Variants in PTPN23 observed in about 807,000 individuals in gnomAD.
PTPN23 encodes protein tyrosine phosphatase non-receptor type 23.
Under a neutral mutation model 156.3 loss-of-function variants are expected in PTPN23, and 72 were observed. The observed-to-expected ratio is 0.46, with a 90% CI of 0.38 to 0.56. PTPN23 has a LOEUF of 0.56. Among genes scored for constraint, PTPN23 ranks in the 20% least tolerant of loss-of-function variants. PTPN23 has a pLI of 0.00. For synonymous variants in PTPN23, 957 were observed against 899.6 expected, an observed-to-expected ratio of 1.06 and a Z score of -1.14; for missense variants, 1,974 against 2,171.5, an observed-to-expected ratio of 0.91 and a Z score of 1.81.
In PTPN23 at chr3:47,404,684, C is replaced by A. The variant is rs1427047092; in HGVS notation, c.192C>A (p.Gly64=). ...NAVRVPRDFE[G]CSVLRKYLGQ... is the part of the protein sequence containing the mutation. ...TCCGTGTCCCACGAGACTTTGAGGGCTGTAGTGTCCTCCGCAAGTACCTCG... is the reference window on the plus strand; with the variant it reads ...TCCGTGTCCCACGAGACTTTGAGGGATGTAGTGTCCTCCGCAAGTACCTCG... The change falls in exon 3 of 25, where the codon GGC becomes GGA. Residue 64 remains glycine, a synonymous_variant. Coordinates refer to ENST00000265562, the MANE Select transcript of PTPN23 (RefSeq NM_015466.4). The A allele has an allele frequency of 1.2e-6, 2 of 1,614,022 alleles. No individual in the cohort carries two copies. The highest frequency in any genetic ancestry group is 1.7e-6 in the Non-Finnish European group (2 of 1,180,026).
rs544531824 is a variant in PTPN23 at position 47,390,012 on chromosome 3, G to A, written c.85-6131G>A. Reference sequence around the variant, plus strand: ...TGCTTGAACCCAGGAGGTGGAGGTTGCAGTAAGCCGAGATGGCGCCATTGC... The same window carrying A: ...TGCTTGAACCCAGGAGGTGGAGGTTACAGTAAGCCGAGATGGCGCCATTGC... On this transcript the variant is annotated intron_variant, in intron 1 of 24. Transcript: ENST00000265562. 6.9e-4 allele frequency among the ~76,000 whole-genome samples: 104 copies of A among 150,978 alleles called. 1 individual carries two copies. The highest frequency in any genetic ancestry group is 3.4e-3 in the Middle Eastern group (1 of 294).
In PTPN23 at chr3:47,407,876, T is replaced by C. The variant is rs549903992; in HGVS notation, c.1119-14T>C. 1 of 1,614,202 alleles carries C rather than the reference T, an allele frequency of 6.2e-7. No homozygotes were observed. Among genetic ancestry groups the C allele is most frequent in the South Asian group, 1.1e-5 (1 of 91,088 alleles). ...AGATGTGGGTCTTCAGCAAATGCTC[T>C]GTCGCTTCTGCAGTGAGGAGAAGGC... On this transcript the variant is annotated splice_polypyrimidine_tract_variant and intron_variant, in intron 13 of 24. Transcript: ENST00000265562. The surrounding 1 kb of genome is among the most constrained non-coding windows in gnomAD (Gnocchi z 4.0).
chr3:47,400,349 G>A (rs1357849429), intron 2 of PTPN23, among the ~76,000 whole-genome samples: 1 of 152,152 alleles, frequency 6.6e-6, no homozygotes, highest in Non-Finnish European at 1.5e-5. Context: ...AAACTGACAG[G>A]TGCAGGGGAT....
intron 1 of PTPN23, among the ~76,000 whole-genome samples, chr3:47,391,803 T>TA (rs1704779087): frequency 6.6e-6 from 1 of 152,200 alleles, no homozygotes; most frequent in African/African-American, 2.4e-5. Flanking sequence ...CAAAACCTCT[T>TA]ACTGCAAGGG....
At chr3:47,394,443 A>G (rs1239467861) in intron 1 of PTPN23, among the ~76,000 whole-genome samples, 1 of 152,202 alleles carries the variant, frequency 6.6e-6, no homozygotes, top group Admixed American at 6.5e-5. Flanking sequence ...GCAATTCCCA[A>G]GTACTATTGG....
Position 47,407,276 on chromosome 3 carries a change from G to C in PTPN23, c.865-33G>C. On this transcript the variant is annotated intron_variant, in intron 10 of 24. Transcript: ENST00000265562. This position sits in a 1 kb window ranked among gnomAD's most constrained non-coding sequence, Gnocchi z 4.0. Reference sequence around the variant, plus strand: ...TGTCCTGGTGCCAGCCTTGGTTAGTGCTAAGGCCCCACCCCTGTCCCTAAC... The same window carrying C: ...TGTCCTGGTGCCAGCCTTGGTTAGTCCTAAGGCCCCACCCCTGTCCCTAAC... 1.2e-6 allele frequency: 2 copies of C among 1,613,704 alleles called. No individual in the cohort carries two copies. The highest frequency in any genetic ancestry group is 1.7e-6 in the Non-Finnish European group (2 of 1,179,768).
intron 1 of PTPN23, among the ~76,000 whole-genome samples, chr3:47,382,680 C>CTTTTCTTTTTT (rs1704570021): frequency 1.7e-5 from 1 of 58,646 alleles, no homozygotes; most frequent in African/African-American, 5.9e-5. Flanking sequence ...TTTTTCTTTT[C>CTTTTCTTTTTT]TTTTTTTTTT....
chr3:47,388,341 TG>T (rs749957736), intron 1 of PTPN23, among the ~76,000 whole-genome samples: 1 of 152,180 alleles, frequency 6.6e-6, no homozygotes, highest in South Asian at 2.1e-4. Flanking sequence ...CCTGAATAGC[TG>T]GGACCACAGG....
rs752668738 is a variant in PTPN23, at chr3:47,405,980, C to T, written c.480C>T (p.His160=). The T allele has an allele frequency of 1.1e-5, 17 of 1,613,798 alleles. No individual in the cohort carries two copies. The highest frequency in any genetic ancestry group is 1.7e-5 in the Admixed American group (1 of 59,996). The change falls in exon 6 of 25, where the codon CAC becomes CAT. Residue 160 remains histidine (H), a synonymous_variant. Transcript: ENST00000265562. This position sits in a 1 kb window ranked among gnomAD's most constrained non-coding sequence, Gnocchi z 4.7. ...GCGCCTTCGCCTACCTACGGGAGCACTTCCCTCAAGCCTACAGCGTCGACA... is the reference window on the plus strand; with the variant it reads ...GCGCCTTCGCCTACCTACGGGAGCATTTCCCTCAAGCCTACAGCGTCGACA... ...AAGAFAYLRE[H]FPQAYSVDMS...
chr3:47,408,052 TCCATTCCAAACA>T, intron 14 of PTPN23, 97 bp downstream of exon 14: 1 of 1,408,514 alleles, frequency 7.1e-7, no homozygotes, highest in Non-Finnish European at 9.8e-7. Context: ...GAATGAAATG[TCCATTCCAAACA>T]GGTTTCCCAA....
chr3:47,399,554 G>A (rs1319523923), intron 2 of PTPN23, among the ~76,000 whole-genome samples: 1 of 152,056 alleles, frequency 6.6e-6, no homozygotes, highest in Non-Finnish European at 1.5e-5. Flanking sequence ...ACACAAGGAC[G>A]CAACACACCC....
intron 2 of PTPN23, 182 bp downstream of exon 2, chr3:47,396,399 A>G: frequency 2.5e-6 from 1 of 394,810 alleles, no homozygotes; most frequent in Non-Finnish European, 4.8e-6. Context: ...ACATGGTGAA[A>G]CCCCATCTCT....
chr3:47,408,180 A>G (rs1705175577), intron 14 of PTPN23, among the ~76,000 whole-genome samples, 165 bp from the exon 15 acceptor site: 1 of 152,144 alleles, frequency 6.6e-6, no homozygotes, highest in Non-Finnish European at 1.5e-5. Context: ...TGCCCTGGGC[A>G]TGTTCTGTGA....
chr3:47,404,780 G>T lies in PTPN23; in HGVS notation c.287+1G>T, dbSNP rs752410076. Reference sequence around the variant, plus strand: ...AGGAGGCCGCTGTCCCTGTCACCTGGTGAGAGCCGCAGGCAGGGCTGGAGG... The same window carrying T: ...AGGAGGCCGCTGTCCCTGTCACCTGTTGAGAGCCGCAGGCAGGGCTGGAGG... On this transcript the variant is annotated splice_donor_variant, in intron 3 of 24. Transcript: ENST00000265562. LOFTEE classifies it high-confidence loss of function. 1 of 1,613,460 alleles carries T rather than the reference G, an allele frequency of 6.2e-7. No individual in the cohort carries two copies. The highest frequency in any genetic ancestry group is 1.1e-5 in the South Asian group (1 of 91,032).
chr3:47,411,120 C>G lies in PTPN23; in HGVS notation c.3322C>G (p.Pro1108Ala), dbSNP rs777524192. ...PPRPPAAEPP[P>A]CLRRGAAAAD... ...TCGCCCCCCAGCAGCAGAACCACCC[C>G]CTTGCCTGCGCCGAGGCGCCGCAGC... Residue 1108 changes from proline to alanine, a missense_variant, in exon 20 of 25, where the codon CCT (proline) becomes GCT (alanine). Transcript: ENST00000265562. This position sits in a 1 kb window ranked among gnomAD's most constrained non-coding sequence, Gnocchi z 6.3. 1 of 1,603,328 alleles carries G rather than the reference C, an allele frequency of 6.2e-7. No homozygotes were observed. The highest frequency in any genetic ancestry group is 2.3e-5 in the East Asian group (1 of 43,970).
At chr3:47,387,403 CAAAAAAAAA>C (rs34969941) in intron 1 of PTPN23, among the ~76,000 whole-genome samples, 1 of 107,920 alleles carries the variant, frequency 9.3e-6, no homozygotes, top group Non-Finnish European at 1.8e-5. Context: ...CCTGTCTCTA[CAAAAAAAAA>C]AAAAAAAAAA....
rs565896649 is a variant in PTPN23 at position 47,400,363 on chromosome 3, A to G, written c.159+4146A>G. On this transcript the variant is annotated intron_variant, in intron 2 of 24. Coordinates refer to ENST00000265562, the MANE Select transcript of PTPN23 (RefSeq NM_015466.4). ...AAAACTGACAGGTGCAGGGGATGCT[A>G]TGGGGGCATCACAGCATCAAGCTCT... Among the ~76,000 whole-genome samples the G allele has an allele frequency of 7.2e-5, 11 of 152,266 alleles. No homozygotes were observed. In the South Asian group the frequency reaches 2.3e-3, roughly 32 times the overall value.
chr3:47,387,733 G>A (rs1233672086), intron 1 of PTPN23, among the ~76,000 whole-genome samples: 1 of 152,100 alleles, frequency 6.6e-6, no homozygotes, highest in East Asian at 1.9e-4. Flanking sequence ...TTGTCTTATT[G>A]CTTTAATTAG....
chr3:47,410,941 C>G lies in PTPN23; in HGVS notation c.3143C>G (p.Pro1048Arg). The G allele has an allele frequency of 6.2e-7, 1 of 1,609,520 alleles. No individual in the cohort carries two copies. Among genetic ancestry groups the G allele is most frequent in the Non-Finnish European group, 8.5e-7 (1 of 1,177,186 alleles). ...SPGPPQPPHP[P>R]LAYGPAPSTR... ...GGGCCCCCTCAGCCTCCCCATCCCC[C>G]ACTGGCATATGGTCCTGCCCCTTCT... Residue 1048 changes from proline (P) to arginine (R), a missense_variant, in exon 20 of 25, where the codon CCA becomes CGA. Physicochemically the swap from Pro to Arg is moderately radical, Grantham distance 103 (BLOSUM62 -2). Around this residue, in one of 4 missense-constraint regions of PTPN23, gnomAD observed 731 missense variants for 669.1 expected, o/e 1.09. Transcript: ENST00000265562.
Sources: allele counts gnomAD v4.1 joint callset (sites outside exome capture counted in the v4.1 genomes callset), GRCh38; gene constraint gnomAD v4.1.1; regional missense constraint gnomAD v4.1.1; non-coding constraint Gnocchi (gnomAD v3.1); transcripts MANE v1.5; gene names NCBI Gene and HGNC (gene_info 2026-07-23, HGNC 2026-07-21).